Variants in GRM8 observed in about 807,000 individuals in gnomAD.
GRM8 encodes the protein metabotropic glutamate receptor 8.
Under a neutral mutation model 87.2 loss-of-function variants are expected in GRM8, and 47 were observed. The ratio of observed to expected loss-of-function variants is 0.54; its 90% confidence interval spans 0.43 to 0.69. The LOEUF (loss-of-function observed/expected upper bound fraction) is 0.69. Among genes scored for constraint, GRM8 ranks in the 30% least tolerant of loss-of-function variants. The probability of loss-of-function intolerance (pLI) is 0.00; values close to 1 mark genes in which losing one functional copy is unlikely to be tolerated. For missense variants in GRM8, 1,019 were observed against 1,139.2 expected (o/e 0.89, Z 1.52); for synonymous variants, 396 against 404.5 (o/e 0.98, Z 0.25).
At chr7:126,784,642 T>C (rs1158566242) in intron 6 of GRM8, among the ~76,000 whole-genome samples, 2 of 152,154 alleles carry the variant, frequency 1.3e-5, no homozygotes, top group Non-Finnish European at 2.9e-5. Context: ...CCTAACCATT[T>C]ATTGGGATCT....
At chr7:126,602,548 A>T (rs1797914632) in intron 8 of GRM8, among the ~76,000 whole-genome samples, 1 of 143,018 alleles carries the variant, frequency 7.0e-6, no homozygotes, top group Admixed American at 7.0e-5. Flanking sequence ...CACCGTATTG[A>T]TTCTTCCTAC....
chr7:126,934,446 C>A (rs144163219), intron 3 of GRM8, among the ~76,000 whole-genome samples: 25 of 152,016 alleles, frequency 1.6e-4, no homozygotes, highest in African/African-American at 4.6e-4. Context: ...AATAGCAATA[C>A]AAAAAAATTG....
At chr7:127,193,766 A>G (rs1795143756) in intron 2 of GRM8, among the ~76,000 whole-genome samples, 1 of 152,260 alleles carries the variant, frequency 6.6e-6, no homozygotes, top group Non-Finnish European at 1.5e-5. Flanking sequence ...AACTGCTTTC[A>G]TAAGCTTTGG....
At chr7:126,877,537 C>G (rs1406563259) in intron 6 of GRM8, among the ~76,000 whole-genome samples, 1 of 152,340 alleles carries the variant, frequency 6.6e-6, no homozygotes, top group Non-Finnish European at 1.5e-5. Flanking sequence ...TTGGACAGTG[C>G]TAGTCTAGAC....
At chr7:126,891,297 T>C (rs1459109801) in intron 6 of GRM8, among the ~76,000 whole-genome samples, 1 of 151,966 alleles carries the variant, frequency 6.6e-6, no homozygotes, top group East Asian at 1.9e-4. Context: ...GCTGGGCCAC[T>C]ATCATTTCTG....
At chr7:126,514,014 TG>T (rs1811804196) in intron 9 of GRM8, among the ~76,000 whole-genome samples, 1 of 152,160 alleles carries the variant, frequency 6.6e-6, no homozygotes, top group Non-Finnish European at 1.5e-5. Flanking sequence ...CAGCCTCATT[TG>T]TGCAATCATG....
intron 3 of GRM8, among the ~76,000 whole-genome samples, chr7:127,036,376 C>T (rs1817844055): frequency 6.6e-6 from 1 of 152,192 alleles, no homozygotes; most frequent in African/African-American, 2.4e-5. Context: ...CTTTCTCCAG[C>T]ATTATTGTTA....
In GRM8 at chr7:126,904,582, C is replaced by T. The variant is rs747338774; in HGVS notation, c.829G>A (p.Ala277Thr). Reference sequence around the variant, plus strand: ...TCCTCATTGGCAAACATAATCACTGCTCGAGCATTAGGTGTTTCTAGCAGG... The same window carrying T: ...TCCTCATTGGCAAACATAATCACTGTTCGAGCATTAGGTGTTTCTAGCAGG... ...KRLLETPNARAVIMFANEDDI... is the reference protein window; with the variant it reads ...KRLLETPNARTVIMFANEDDI... The change falls in exon 4 of 11, where the codon GCA becomes ACA. Residue 277 changes from alanine (A) to threonine (T), a missense_variant. Ala to Thr is a moderately conservative substitution (Grantham distance 58, BLOSUM62 0). Coordinates refer to ENST00000339582, the MANE Select transcript of GRM8 (RefSeq NM_000845.3). 7 of 1,613,646 alleles carry T rather than the reference C, an allele frequency of 4.3e-6. No individual in the cohort carries two copies. In the South Asian group the frequency reaches 4.4e-5, roughly 10 times the overall value.
At chr7:126,765,189 C>G (rs1296935907) in intron 7 of GRM8, among the ~76,000 whole-genome samples, 2 of 151,988 alleles carry the variant, frequency 1.3e-5, no homozygotes, top group Non-Finnish European at 2.9e-5. Flanking sequence ...AGATCCTCTG[C>G]TATCCTGTGA....
chr7:126,892,181 T>C (rs1271540147), intron 6 of GRM8, among the ~76,000 whole-genome samples: 1 of 152,076 alleles, frequency 6.6e-6, no homozygotes, highest in Non-Finnish European at 1.5e-5. Flanking sequence ...TCAGGGTACA[T>C]GTGCACAATG....
intron 8 of GRM8, among the ~76,000 whole-genome samples, chr7:126,606,066 C>T (rs1378744422): frequency 6.6e-6 from 1 of 152,178 alleles, no homozygotes; most frequent in Non-Finnish European, 1.5e-5. Flanking sequence ...TATCTATTCA[C>T]ATGGTAGCAC....
intron 2 of GRM8, among the ~76,000 whole-genome samples, chr7:127,193,136 T>A (rs1479505883): frequency 2.0e-5 from 3 of 152,256 alleles, no homozygotes; most frequent in Non-Finnish European, 4.4e-5. Context: ...TGTCCAGTTA[T>A]GCTCCTAAGT....
chr7:126,891,762 G>A (rs13311721), intron 6 of GRM8, among the ~76,000 whole-genome samples: 1 of 151,916 alleles, frequency 6.6e-6, no homozygotes, highest in Non-Finnish European at 1.5e-5. Flanking sequence ...GCAGGAACTG[G>A]GCTAAATTAT....
chr7:127,088,853 C>T (rs1823761889), intron 3 of GRM8, among the ~76,000 whole-genome samples: 1 of 152,214 alleles, frequency 6.6e-6, no homozygotes, highest in Non-Finnish European at 1.5e-5. Flanking sequence ...ATGTCCCATG[C>T]ATGGCTAAAG....
chr7:127,182,468 A>G (rs776939583), intron 2 of GRM8, among the ~76,000 whole-genome samples: 12 of 152,204 alleles, frequency 7.9e-5, no homozygotes, highest in Middle Eastern at 3.4e-3. Flanking sequence ...TAGAACTACT[A>G]TTTGACCCAG....
intron 2 of GRM8, among the ~76,000 whole-genome samples, chr7:127,112,522 T>A (rs1826434202): frequency 6.6e-6 from 1 of 152,230 alleles, no homozygotes; most frequent in South Asian, 2.1e-4. Context: ...AGCCCATCCA[T>A]CCATTAATCA....
intron 9 of GRM8, among the ~76,000 whole-genome samples, chr7:126,502,803 T>A (rs967980992): frequency 6.6e-6 from 1 of 152,088 alleles, no homozygotes; most frequent in Non-Finnish European, 1.5e-5. Flanking sequence ...GTGTCCAATA[T>A]GGACTCAGAG....
chr7:127,227,091 G>C (rs1204060890), intron 2 of GRM8, among the ~76,000 whole-genome samples: 2 of 152,178 alleles, frequency 1.3e-5, no homozygotes, highest in Non-Finnish European at 2.9e-5. Context: ...ATTAAGTTTA[G>C]GTTAAAGGAG....
chr7:126,640,741 C>T (rs73720724), intron 7 of GRM8, among the ~76,000 whole-genome samples: 84 of 152,094 alleles, frequency 5.5e-4, no homozygotes, highest in African/African-American at 1.7e-3. Flanking sequence ...ACCTTCCCCC[C>T]CTCCTACCCA....
Sources: allele counts gnomAD v4.1 joint callset (sites outside exome capture counted in the v4.1 genomes callset), GRCh38; gene constraint gnomAD v4.1.1; transcripts MANE v1.5; gene names NCBI Gene and HGNC (gene_info 2026-07-23, HGNC 2026-07-21).